Variants in NMT1 observed in about 807,000 individuals in gnomAD.
NMT1 encodes the protein N-myristoyltransferase 1.
In NMT1, 12 loss-of-function variants were observed where a neutral mutation model predicts 63.4. That is an observed-to-expected ratio of 0.19 (90% CI 0.12 to 0.31). NMT1 has a LOEUF of 0.31. NMT1 is among the 10% of genes least tolerant of loss of function. The pLI is 1.00. For missense variants in NMT1, 432 were observed against 634.6 expected, an observed-to-expected ratio of 0.68 and a Z score of 3.43; for synonymous variants, 228 against 234.3, an observed-to-expected ratio of 0.97 and a Z score of 0.25.
At chr17:45,077,437 C>CTG (rs1347378400) in intron 1 of NMT1, among the ~76,000 whole-genome samples, 5 of 152,180 alleles carry the variant, frequency 3.3e-5, no homozygotes, top group Admixed American at 1.3e-4. Context: ...CTTACCCAGG[C>CTG]TGTAGTATAG....
chr17:45,098,574 G>C (rs924255559), intron 7 of NMT1, 22 bp downstream of exon 7: 1 of 1,610,704 alleles, frequency 6.2e-7, no homozygotes, highest in Admixed American at 1.7e-5. Context: ...TTCCTGTAAG[G>C]CCCCAAAAAT....
chr17:45,079,160 A>G (rs1040870946), intron 1 of NMT1, among the ~76,000 whole-genome samples: 1 of 150,582 alleles, frequency 6.6e-6, no homozygotes, highest in African/African-American at 2.4e-5. Context: ...GCTGGAGTGC[A>G]ATGGCATGAT....
At chr17:45,075,010 T>C (rs2053968686) in intron 1 of NMT1, among the ~76,000 whole-genome samples, 1 of 152,116 alleles carries the variant, frequency 6.6e-6, no homozygotes, top group Admixed American at 6.5e-5. Context: ...GCCCAGGAGT[T>C]TGAGCCCAGC....
chr17:45,104,464 T>G lies in NMT1; in HGVS notation c.1333-395T>G, dbSNP rs2054190400. 3.7e-6 allele frequency: 4 copies of G among 1,092,678 alleles called. No individual in the cohort carries two copies. In the South Asian group the frequency reaches 8.4e-5, roughly 23 times the overall value. The allele number at this position is 1,092,678 out of a possible 1,614,324, so 67.7% of individuals were successfully genotyped here. On this transcript the variant is annotated intron_variant, in intron 10 of 11. Transcript: ENST00000258960. The surrounding 1 kb of genome is among the most constrained non-coding windows in gnomAD (Gnocchi z 4.2). ...CACTGAGGGCCTGAGAGTTGGGGCA[T>G]CCATGGAGTAAGGAAGCAACACAAA...
chr17:45,085,691 G>C (rs1245324036), intron 2 of NMT1, among the ~76,000 whole-genome samples: 4 of 152,112 alleles, frequency 2.6e-5, no homozygotes. Context: ...ACTAATAAGG[G>C]GAGAAACCCT....
intron 3 of NMT1, among the ~76,000 whole-genome samples, chr17:45,088,255 T>G (rs1044406941): frequency 6.6e-6 from 1 of 152,200 alleles, no homozygotes; most frequent in African/African-American, 2.4e-5. Flanking sequence ...GTGACCAGTT[T>G]CTCGCTGAGG....
rs145793377 is a variant in NMT1, at chr17:45,104,826, C to T, written c.1333-33C>T. ...GAAGGAGGCTGTCCCCACCTGTCCT[C>T]ACCTGTTCTTGTTTGTCCCTGCTGC... On this transcript the variant is annotated intron_variant, in intron 10 of 11. Transcript: ENST00000258960. This position sits in a 1 kb window ranked among gnomAD's most constrained non-coding sequence, Gnocchi z 4.2. The T allele has an allele frequency of 3.2e-4, 516 of 1,613,742 alleles. No individual in the cohort carries two copies. In the African/African-American group the frequency reaches 5.7e-3, roughly 18 times the overall value.
intron 2 of NMT1, among the ~76,000 whole-genome samples, chr17:45,085,458 A>G (rs778078747): frequency 2.0e-5 from 3 of 152,170 alleles, no homozygotes; most frequent in Non-Finnish European, 2.9e-5. Flanking sequence ...TATATGATCC[A>G]ATTTTAGTTT....
chr17:45,061,703 T>A (rs992789543), intron 1 of NMT1: 1 of 418,974 alleles, frequency 2.4e-6, no homozygotes, highest in Non-Finnish European at 4.3e-6. Context: ...AGTGTTCCAC[T>A]CGTGTGCTTC....
intron 1 of NMT1, chr17:45,071,657 C>G (rs571406540): frequency 3.9e-4 from 60 of 152,216 alleles, no homozygotes; most frequent in African/African-American, 1.4e-3. Flanking sequence ...TGTTGTAAAC[C>G]TGTGGTCTGT....
intron 2 of NMT1, among the ~76,000 whole-genome samples, chr17:45,085,046 G>A (rs1446469482): frequency 6.6e-6 from 1 of 151,674 alleles, no homozygotes; most frequent in Non-Finnish European, 1.5e-5. Flanking sequence ...CCAGGAGTTC[G>A]AGGCCAGCCC....
At chr17:45,078,962 C>T (rs902418850) in intron 1 of NMT1, among the ~76,000 whole-genome samples, 3 of 152,106 alleles carry the variant, frequency 2.0e-5, no homozygotes, top group African/African-American at 7.2e-5. Flanking sequence ...CATGCTGGAC[C>T]TTTCAATTAT....
intron 1 of NMT1, among the ~76,000 whole-genome samples, chr17:45,080,811 G>A (rs2054012791): frequency 6.6e-6 from 1 of 151,666 alleles, no homozygotes. Context: ...CTGTCATACA[G>A]GCTGGAGTGC....
intron 2 of NMT1, among the ~76,000 whole-genome samples, chr17:45,084,057 A>T (rs187292950): frequency 1.3e-5 from 2 of 152,338 alleles, no homozygotes; most frequent in Admixed American, 1.3e-4. Context: ...TTAGAAGAAA[A>T]TGTATGTAGT....
intron 7 of NMT1, among the ~76,000 whole-genome samples, chr17:45,099,116 C>T (rs370242802): frequency 1.3e-5 from 2 of 152,114 alleles, no homozygotes; most frequent in East Asian, 1.9e-4. Flanking sequence ...AGTCCTTTTC[C>T]GTTGACTTGA....
chr17:45,095,713 AG>A (rs1381397565), intron 4 of NMT1, among the ~76,000 whole-genome samples: 3 of 152,206 alleles, frequency 2.0e-5, no homozygotes, highest in African/African-American at 7.2e-5. Context: ...TGGAGGCTGC[AG>A]TGAGCCATGA....
At chr17:45,097,631 A>G (rs2054134310) in intron 6 of NMT1, among the ~76,000 whole-genome samples, 1 of 152,096 alleles carries the variant, frequency 6.6e-6, no homozygotes, top group African/African-American at 2.4e-5. Context: ...TGTTGGGAAT[A>G]TAGACGTGAG....
At chr17:45,096,914 G>T (rs2054128317) in intron 5 of NMT1, among the ~76,000 whole-genome samples, 1 of 152,218 alleles carries the variant, frequency 6.6e-6, no homozygotes. Flanking sequence ...ATAACCTTGG[G>T]TTGGATGAGT....
chr17:45,098,130 T>C (rs536833539), intron 6 of NMT1, among the ~76,000 whole-genome samples: 2 of 152,278 alleles, frequency 1.3e-5, no homozygotes, highest in East Asian at 3.9e-4. Flanking sequence ...ATCAGGGAGA[T>C]GCTGGTGGTA....
Sources: allele counts gnomAD v4.1 joint callset (sites outside exome capture counted in the v4.1 genomes callset), GRCh38; gene constraint gnomAD v4.1.1; non-coding constraint Gnocchi (gnomAD v3.1); transcripts MANE v1.5; gene names NCBI Gene and HGNC (gene_info 2026-07-23, HGNC 2026-07-21).